The following DLGAP4 variants were observed in gnomAD, a reference collection of about 807,000 sequenced individuals.
DLGAP4 encodes the protein disks large-associated protein 4.
A neutral mutation model predicts 86.9 loss-of-function variants in DLGAP4; 18 were observed. The observed-to-expected ratio is 0.21, with a 90% CI of 0.14 to 0.31. The LOEUF (loss-of-function observed/expected upper bound fraction) is 0.31. Ranked by LOEUF, DLGAP4 falls within the 10% of genes least tolerant of loss-of-function variation. The pLI, the probability that DLGAP4 is intolerant of heterozygous loss-of-function variation, is 1.00. For missense variants in DLGAP4, 1,085 were observed against 1,362.6 expected (o/e 0.80, Z 3.21); for synonymous variants, 548 against 574.3 (o/e 0.95, Z 0.65).
chr20:36,481,834 T>C (rs1226246053), intron 7 of DLGAP4, among the ~76,000 whole-genome samples: 3 of 152,192 alleles, frequency 2.0e-5, no homozygotes, highest in African/African-American at 7.2e-5. Flanking sequence ...GACTGCGCCC[T>C]CTCTGGTCCT....
chr20:36,363,592 G>A (rs1004612315), intron 1 of DLGAP4, among the ~76,000 whole-genome samples: 1 of 152,116 alleles, frequency 6.6e-6, no homozygotes, highest in Non-Finnish European at 1.5e-5. Context: ...TGGAAGGGCA[G>A]GATTCCATTG....
rs2034434344 is a variant in DLGAP4, at chr20:36,467,057, T to TCTCTCCCC, written c.1648+20125_1648+20126insCCCCTCTC. The stretch of plus-strand genomic sequence containing the variant: ...CTCTCTCTCTCTCTCTCTCTCTCTC[T>TCTCTCCCC]CTCTCTCCCCCCCCCTTCTCTCGGC... On this transcript the variant is annotated intron_variant, in intron 7 of 12. Coordinates refer to ENST00000339266, the MANE Select transcript of DLGAP4 (RefSeq NM_001365621.2). Among the ~76,000 whole-genome samples, 3 of 87,412 alleles carry TCTCTCCCC rather than the reference T, an allele frequency of 3.4e-5. No homozygotes were observed. The South Asian group carries it at 9.4e-4, about 27-fold the overall frequency. 57.3% of individuals were successfully genotyped at this position (87,412 alleles called of 152,430 possible).
chr20:36,474,930 A>T (rs2034842621), intron 7 of DLGAP4, among the ~76,000 whole-genome samples: 1 of 152,182 alleles, frequency 6.6e-6, no homozygotes, highest in Non-Finnish European at 1.5e-5. Context: ...GTAACAAATA[A>T]ACAGGATACT....
intron 7 of DLGAP4, among the ~76,000 whole-genome samples, chr20:36,466,054 G>T (rs2034337730): frequency 6.6e-6 from 1 of 152,120 alleles, no homozygotes; most frequent in Non-Finnish European, 1.5e-5. Context: ...TAAAATTTGG[G>T]TTTCTTGTCT....
At chr20:36,474,959 G>A (rs1385607795) in intron 7 of DLGAP4, among the ~76,000 whole-genome samples, 3 of 152,168 alleles carry the variant, frequency 2.0e-5, no homozygotes, top group East Asian at 3.9e-4. Context: ...TGTTAGTGAT[G>A]AGAACCCTAA....
intron 7 of DLGAP4, among the ~76,000 whole-genome samples, chr20:36,468,543 T>G (rs1192952786): frequency 3.3e-5 from 5 of 152,234 alleles, no homozygotes; most frequent in African/African-American, 1.2e-4. Context: ...TCTCTCTGTG[T>G]GCAGCCCACA....
intron 1 of DLGAP4, among the ~76,000 whole-genome samples, chr20:36,360,429 G>A (rs1040544700): frequency 3.3e-5 from 5 of 152,176 alleles, no homozygotes; most frequent in Non-Finnish European, 7.3e-5. Flanking sequence ...CAATGTCTGT[G>A]CCCTTGTTCA....
chr20:36,526,267 GC>G, intron 12 of DLGAP4: 1 of 615,596 alleles, frequency 1.6e-6, no homozygotes, highest in Non-Finnish European at 2.9e-6. Flanking sequence ...CACGCCCACA[GC>G]CTCAATCACG....
intron 7 of DLGAP4, among the ~76,000 whole-genome samples, chr20:36,473,631 A>T (rs1734425823): frequency 6.6e-6 from 1 of 152,154 alleles, no homozygotes; most frequent in African/African-American, 2.4e-5. Context: ...ATGATTTTTT[A>T]AAATAGAGAT....
At chr20:36,381,371 C>T (rs1164141961) in intron 2 of DLGAP4, among the ~76,000 whole-genome samples, 6 of 152,172 alleles carry the variant, frequency 3.9e-5, no homozygotes, top group Non-Finnish European at 8.8e-5. Flanking sequence ...GGTTTCTCCA[C>T]CTAAAGCAAT....
At chr20:36,455,901 G>C (rs897885692) in intron 7 of DLGAP4, among the ~76,000 whole-genome samples, 1 of 151,976 alleles carries the variant, frequency 6.6e-6, no homozygotes, top group Non-Finnish European at 1.5e-5. Context: ...TCACTCCACC[G>C]CAGGCTCTTG....
chr20:36,447,401 G>A (rs1362768511), intron 7 of DLGAP4, among the ~76,000 whole-genome samples: 1 of 152,156 alleles, frequency 6.6e-6, no homozygotes, highest in East Asian at 1.9e-4. Flanking sequence ...TACACAATCA[G>A]GGAATACCTT....
intron 1 of DLGAP4, among the ~76,000 whole-genome samples, chr20:36,351,841 G>A (rs1385498727): frequency 6.6e-6 from 1 of 152,162 alleles, no homozygotes; most frequent in Non-Finnish European, 1.5e-5. Flanking sequence ...AGATGTGTTG[G>A]TGGGGAAGAG....
intron 5 of DLGAP4, among the ~76,000 whole-genome samples, chr20:36,442,485 C>T (rs775852268): frequency 1.2e-4 from 19 of 152,342 alleles, no homozygotes; most frequent in Non-Finnish European, 2.2e-4. Context: ...TGAGCCACTG[C>T]GCCCAGCCAA....
chr20:36,461,404 A>T lies in DLGAP4; in HGVS notation c.1648+14467A>T, dbSNP rs1001793136. 4 of 959,470 alleles carry T rather than the reference A, an allele frequency of 4.2e-6. No homozygotes were observed. In the African/African-American group the frequency reaches 7.2e-5, roughly 17 times the overall value. 59.4% of individuals were successfully genotyped at this position (959,470 alleles called of 1,614,324 possible). A position where few individuals can be genotyped will look rare whatever the true frequency, so the allele number is the denominator to read the frequency against. On this transcript the variant is annotated intron_variant, in intron 7 of 12. Coordinates refer to ENST00000339266, the MANE Select transcript of DLGAP4 (RefSeq NM_001365621.2). The stretch of plus-strand genomic sequence containing the variant: ...GTCCCTGACGACGCGCGCGCGGCTG[A>T]CGCGGGGGGCGGGGAGGGGCGGGGC...
At chr20:36,345,654 TG>T (rs1555892869) in intron 1 of DLGAP4, among the ~76,000 whole-genome samples, 1 of 152,176 alleles carries the variant, frequency 6.6e-6, no homozygotes, top group African/African-American at 2.4e-5. Context: ...CACCTGTTAG[TG>T]GGTGCCCAGG....
chr20:36,345,480 G>A (rs1464966764), intron 1 of DLGAP4, among the ~76,000 whole-genome samples: 1 of 152,232 alleles, frequency 6.6e-6, no homozygotes, highest in African/African-American at 2.4e-5. Context: ...AAGGCTGTGA[G>A]ACTTTGGGCA....
intron 4 of DLGAP4, among the ~76,000 whole-genome samples, 159 bp downstream of exon 4, chr20:36,436,509 G>A (rs1275393): frequency 0.68 from 102,905 of 152,040 alleles, 36,458 homozygotes; most frequent in Non-Finnish European, 0.79. Context: ...TGCTTCTTGA[G>A]AGAACCCCTT....
At position 36,312,695 on chromosome 20, in the gene DLGAP4, G is replaced by A. The variant is rs889875119; in HGVS notation, c.-304+6183G>A. Among the ~76,000 whole-genome samples the A allele has an allele frequency of 1.2e-3, 188 of 152,284 alleles. 1 individual carries two copies. Among genetic ancestry groups the A allele is most frequent in the African/African-American group, 4.1e-3 (172 of 41,564 alleles). On this transcript the variant is annotated intron_variant, in intron 1 of 12. Transcript: ENST00000339266. The stretch of plus-strand genomic sequence containing the variant: ...ACTCAAGATGGGGGATTAGAACAAC[G>A]CCCTGAAGAGGTGCTGTGCTGGTGG...
Sources: allele counts gnomAD v4.1 joint callset (sites outside exome capture counted in the v4.1 genomes callset), GRCh38; gene constraint gnomAD v4.1.1; transcripts MANE v1.5; gene names NCBI Gene and HGNC (gene_info 2026-07-23, HGNC 2026-07-21).